Variants in CSMD3 observed in about 807,000 individuals in gnomAD.
CSMD3 encodes the protein CUB and sushi domain-containing protein 3.
CSMD3 carries 177 observed loss-of-function variants against 435.2 expected under a neutral mutation model. The observed-to-expected ratio is 0.41, with a 90% CI of 0.36 to 0.46. CSMD3 has a LOEUF of 0.46. Among genes scored for constraint, CSMD3 ranks in the 20% least tolerant of loss-of-function variants. The probability of loss-of-function intolerance (pLI) is 0.34; values close to 1 mark genes in which losing one functional copy is unlikely to be tolerated. For synonymous variants in CSMD3, 1,656 were observed against 1,520.5 expected, an observed-to-expected ratio of 1.09 and a Z score of -2.07; for missense variants, 4,265 against 4,504.6, an observed-to-expected ratio of 0.95 and a Z score of 1.52.
intron 3 of CSMD3, 47 bp from the exon 4 acceptor site, chr8:113,173,963 A>T: frequency 3.6e-6 from 5 of 1,371,446 alleles, no homozygotes; most frequent in East Asian, 4.6e-5. Context: ...TTCAATAAGC[A>T]GTTTATTGTT....
rs151068581 is a variant in CSMD3 at position 113,397,447 on chromosome 8, C to T, written c.178+39230G>A. On this transcript the variant is annotated intron_variant, in intron 1 of 70. Transcript: ENST00000297405. ...GCGTTACAGTGTTACAAAGGTTTTCCTTCAATATGGCTTTTAAAATTTAAT... is the reference window on the plus strand; with the variant it reads ...GCGTTACAGTGTTACAAAGGTTTTCTTTCAATATGGCTTTTAAAATTTAAT... Among the ~76,000 whole-genome samples the T allele has an allele frequency of 1.8e-4, 27 of 152,080 alleles. No homozygotes were observed. In the East Asian group the frequency reaches 5.2e-3, roughly 29 times the overall value.
intron 9 of CSMD3, among the ~76,000 whole-genome samples, chr8:112,943,701 A>G (rs1046376046): frequency 1.2e-4 from 18 of 151,628 alleles, no homozygotes; most frequent in Admixed American, 1.1e-3. Context: ...CTTATATGAG[A>G]ATAATTTTTG....
chr8:113,213,023 A>G (rs2092857770), intron 3 of CSMD3, among the ~76,000 whole-genome samples: 1 of 151,824 alleles, frequency 6.6e-6, no homozygotes, highest in Admixed American at 6.6e-5. Context: ...GCTGTTGACT[A>G]TAACAATTTC....
chr8:113,148,759 T>C (rs1205203844), intron 4 of CSMD3, among the ~76,000 whole-genome samples: 2 of 151,620 alleles, frequency 1.3e-5, no homozygotes, highest in African/African-American at 2.4e-5. Flanking sequence ...GTTTTGTTGG[T>C]TTCTTCATGC....
intron 24 of CSMD3, among the ~76,000 whole-genome samples, chr8:112,571,261 C>A (rs1338303362): frequency 6.6e-6 from 1 of 152,150 alleles, no homozygotes; most frequent in Admixed American, 6.5e-5. Context: ...CCTGCCTCAG[C>A]CTCCCAAAGT....
intron 32 of CSMD3, among the ~76,000 whole-genome samples, chr8:112,448,982 G>A (rs1815958400): frequency 6.6e-6 from 1 of 152,098 alleles, no homozygotes; most frequent in African/African-American, 2.4e-5. Context: ...ATGGATACAT[G>A]TTGTTTTGTT....
At chr8:112,809,109 C>T (rs1022366342) in intron 12 of CSMD3, among the ~76,000 whole-genome samples, 10 of 152,154 alleles carry the variant, frequency 6.6e-5, no homozygotes, top group Non-Finnish European at 1.5e-5. Context: ...CTATGAAATT[C>T]AGTCAGAAAC....
chr8:113,424,624 C>T (rs1426932312), intron 1 of CSMD3, among the ~76,000 whole-genome samples: 1 of 150,338 alleles, frequency 6.7e-6, no homozygotes, highest in Admixed American at 6.6e-5. Context: ...TTGGTGATCA[C>T]AAATGATTAT....
At chr8:113,253,541 C>G (rs779650339) in intron 3 of CSMD3, among the ~76,000 whole-genome samples, 1 of 151,840 alleles carries the variant, frequency 6.6e-6, no homozygotes, top group Non-Finnish European at 1.5e-5. Context: ...CATTCAACTC[C>G]TACAAGGAAC....
At chr8:112,354,804 C>T (rs1467523156) in intron 38 of CSMD3, among the ~76,000 whole-genome samples, 3 of 152,104 alleles carry the variant, frequency 2.0e-5, no homozygotes, top group African/African-American at 7.2e-5. Flanking sequence ...ATGCTATTTC[C>T]ATCAAACTAC....
At chr8:113,000,592 G>C (rs182240263) in intron 6 of CSMD3, among the ~76,000 whole-genome samples, 97 of 152,060 alleles carry the variant, frequency 6.4e-4, no homozygotes, top group Non-Finnish European at 1.1e-3. Flanking sequence ...ACATACAATT[G>C]TATCTGTCAA....
chr8:112,701,269 A>G (rs1038883218), intron 13 of CSMD3, among the ~76,000 whole-genome samples: 14 of 152,164 alleles, frequency 9.2e-5, no homozygotes, highest in African/African-American at 3.1e-4. Context: ...TAAGAATATT[A>G]GCTGACATTA....
chr8:113,413,531 T>C (rs1462308502), intron 1 of CSMD3, among the ~76,000 whole-genome samples: 1 of 152,150 alleles, frequency 6.6e-6, no homozygotes, highest in Non-Finnish European at 1.5e-5. Context: ...TGGGATTTTA[T>C]TACAAACAGA....
chr8:112,596,369 G>A (rs1411588961), intron 22 of CSMD3, among the ~76,000 whole-genome samples: 2 of 151,912 alleles, frequency 1.3e-5, no homozygotes, highest in African/African-American at 2.4e-5. Context: ...CATAAAGCAA[G>A]TCCTGAGTGA....
chr8:112,263,351 T>G (rs761567930), intron 61 of CSMD3, among the ~76,000 whole-genome samples: 5 of 152,044 alleles, frequency 3.3e-5, no homozygotes, highest in Non-Finnish European at 7.4e-5. Context: ...AAAAAGGACA[T>G]AAATAAAAAT....
At chr8:112,830,298 A>G (rs1232428734) in intron 11 of CSMD3, among the ~76,000 whole-genome samples, 1 of 152,190 alleles carries the variant, frequency 6.6e-6, no homozygotes, top group Admixed American at 6.5e-5. Flanking sequence ...AATGGTATCA[A>G]GTTTATTTTT....
intron 3 of CSMD3, among the ~76,000 whole-genome samples, chr8:113,264,818 C>T (rs1390836767): frequency 6.6e-6 from 1 of 151,452 alleles, no homozygotes; most frequent in Non-Finnish European, 1.5e-5. Context: ...TCATGTCTGC[C>T]TTTTAACACA....
At chr8:112,471,039 G>A (rs1818473835) in intron 32 of CSMD3, among the ~76,000 whole-genome samples, 2 of 152,072 alleles carry the variant, frequency 1.3e-5, no homozygotes, top group Non-Finnish European at 2.9e-5. Context: ...TTAGGAATCT[G>A]TTAATTTACT....
At chr8:113,174,002 A>G (rs1018418469) in intron 3 of CSMD3, 86 bp from the exon 4 acceptor site, 9 of 939,974 alleles carry the variant, frequency 9.6e-6, no homozygotes, top group Non-Finnish European at 6.8e-6. Context: ...ATATGTAGAT[A>G]TGGATATTCT....
Sources: allele counts gnomAD v4.1 joint callset (sites outside exome capture counted in the v4.1 genomes callset), GRCh38; gene constraint gnomAD v4.1.1; transcripts MANE v1.5; gene names NCBI Gene and HGNC (gene_info 2026-07-23, HGNC 2026-07-21).